Variants in NEDD4 observed in about 807,000 individuals in gnomAD.
NEDD4 encodes the protein NEDD4 E3 ubiquitin protein ligase, also known as E3 ubiquitin-protein ligase NEDD4.
A neutral mutation model predicts 144.9 loss-of-function variants in NEDD4; 99 were observed. That is an observed-to-expected ratio of 0.68 (90% confidence interval 0.58 to 0.81). The LOEUF (loss-of-function observed/expected upper bound fraction) is 0.81, where lower values mean the gene tolerates loss of function less well. Ranked by LOEUF, NEDD4 falls within the 30% of genes least tolerant of loss-of-function variation. NEDD4 has a pLI of 0.00. For synonymous variants in NEDD4, 318 were observed against 350.6 expected (o/e 0.91, Z 1.04); for missense variants, 985 against 1,065.9 (o/e 0.92, Z 1.06).
chr15:55,962,431 G>A (rs1341430739), intron 2 of NEDD4, among the ~76,000 whole-genome samples: 1 of 151,984 alleles, frequency 6.6e-6, no homozygotes, highest in African/African-American at 2.4e-5. Flanking sequence ...CATTGTCACT[G>A]CCCTTTACGT....
At chr15:55,842,253 C>T in intron 18 of NEDD4, 90 bp from the exon 19 acceptor site, 2 of 1,032,884 alleles carry the variant, frequency 1.9e-6, no homozygotes, top group South Asian at 1.5e-5. Context: ...TCCCTCTACA[C>T]CCTGTGTCCA....
Position 55,872,508 on chromosome 15 carries a change from T to C in NEDD4, c.343-32A>G, listed in dbSNP as rs1197763405. ...TAAAATAGTGGGTTTTCAAAATATATCTATAACACCAAAAGCATGTACTTT... is the reference window on the plus strand; with the variant it reads ...TAAAATAGTGGGTTTTCAAAATATACCTATAACACCAAAAGCATGTACTTT... On this transcript the variant is annotated intron_variant, in intron 6 of 28. Transcript: ENST00000435532. The C allele has an allele frequency of 7.1e-6, 7 of 980,670 alleles. No homozygotes were observed. The East Asian group carries it at 1.5e-4, about 21-fold the overall frequency. 60.7% of individuals were successfully genotyped at this position (980,670 alleles called of 1,614,324 possible).
intron 5 of NEDD4, among the ~76,000 whole-genome samples, chr15:55,882,195 C>T (rs1046604800): frequency 6.6e-6 from 1 of 152,152 alleles, no homozygotes; most frequent in African/African-American, 2.4e-5. Flanking sequence ...CAAAAAGCAC[C>T]TTCATAAGAA....
intron 5 of NEDD4, chr15:55,916,052 T>G: frequency 6.2e-7 from 1 of 1,613,988 alleles, no homozygotes; most frequent in Non-Finnish European, 8.5e-7. Flanking sequence ...AGTAACGTTT[T>G]AGTGGAATTT....
intron 5 of NEDD4, among the ~76,000 whole-genome samples, chr15:55,897,807 T>C (rs1249754056): frequency 2.6e-5 from 4 of 152,306 alleles, no homozygotes; most frequent in African/African-American, 9.6e-5. Context: ...TTGTGGCAAG[T>C]TGTCTTCCTT....
At chr15:55,865,272 G>A (rs754241259) in intron 8 of NEDD4, among the ~76,000 whole-genome samples, 4 of 150,206 alleles carry the variant, frequency 2.7e-5, no homozygotes, top group Non-Finnish European at 4.4e-5. Context: ...GGCAAAATAC[G>A]CAGATTACTT....
At chr15:55,832,786 A>C (rs2033016717) in intron 27 of NEDD4, among the ~76,000 whole-genome samples, 1 of 152,144 alleles carries the variant, frequency 6.6e-6, no homozygotes, top group South Asian at 2.1e-4. Flanking sequence ...AAAGTGACTC[A>C]AGTCATTTGA....
Position 55,862,997 on chromosome 15 carries a change from C to T in NEDD4, c.590G>A (p.Trp197Ter). 1 of 1,607,272 alleles carries T rather than the reference C, an allele frequency of 6.2e-7. No homozygotes were observed. The highest frequency in any genetic ancestry group is 8.5e-7 in the Non-Finnish European group (1 of 1,175,382). The change falls in exon 9 of 29, where the codon TGG becomes TAG. Residue 197 changes from tryptophan to a stop codon, truncating the protein, a stop_gained. Coordinates refer to ENST00000435532, the MANE Select transcript of NEDD4 (RefSeq NM_006154.4). LOFTEE classifies it high-confidence loss of function. ...TCCAAGGATATCCTGCCTCTCTTCC[C>T]ACCCTGGAGGTAGAGGAGAAGGTTC... ...QQEPSPLPPG[W>*]EERQDILGRT...
intron 12 of NEDD4, among the ~76,000 whole-genome samples, chr15:55,854,055 G>A (rs1287432201): frequency 1.3e-5 from 2 of 152,096 alleles, no homozygotes; most frequent in African/African-American, 4.8e-5. Flanking sequence ...GGAGGCTGAA[G>A]CAGGAGAATC....
chr15:55,883,692 CACAA>C (rs202007394), intron 5 of NEDD4, among the ~76,000 whole-genome samples: 105 of 53,206 alleles, frequency 2.0e-3, no homozygotes, highest in African/African-American at 6.3e-3. Flanking sequence ...CACACACACA[CACAA>C]ACACACACAC....
intron 5 of NEDD4, among the ~76,000 whole-genome samples, chr15:55,874,906 A>G (rs1316064439): frequency 3.3e-5 from 5 of 152,180 alleles, no homozygotes; most frequent in African/African-American, 9.6e-5. Flanking sequence ...TCCAGGAGGC[A>G]GACGTTGCAG....
chr15:55,846,397 C>A (rs542892825), intron 18 of NEDD4, among the ~76,000 whole-genome samples: 53 of 152,078 alleles, frequency 3.5e-4, no homozygotes, highest in Non-Finnish European at 6.8e-4. Context: ...AACAGATGGC[C>A]AGATGATGAG....
In NEDD4 at chr15:55,926,368, C is replaced by A. The variant is rs1182901670; in HGVS notation, c.238-1669G>T. ...TGCCCCTTGCATTTATCTTTCCTGT[C>A]TGAAATGTTGTTAGGATAGCTGGCA... On this transcript the variant is annotated intron_variant, in intron 4 of 28. Transcript: ENST00000435532. Among the ~76,000 whole-genome samples, 3 of 152,276 alleles carry A rather than the reference C, an allele frequency of 2.0e-5. No individual in the cohort carries two copies. In the East Asian group the frequency reaches 5.8e-4, roughly 29 times the overall value.
chr15:55,882,467 G>T (rs2035227964), intron 5 of NEDD4, among the ~76,000 whole-genome samples: 2 of 152,192 alleles, frequency 1.3e-5, no homozygotes, highest in African/African-American at 4.8e-5. Flanking sequence ...CATGAAGGTG[G>T]CATTTAGATC....
intron 13 of NEDD4, among the ~76,000 whole-genome samples, chr15:55,851,444 A>G (rs575008875): frequency 6.6e-6 from 1 of 152,114 alleles, no homozygotes; most frequent in Non-Finnish European, 1.5e-5. Context: ...AAAATTAGAA[A>G]CACAGGCATA....
chr15:55,865,191 C>G (rs1477495125), intron 8 of NEDD4, among the ~76,000 whole-genome samples: 2 of 103,886 alleles, frequency 1.9e-5, no homozygotes, highest in African/African-American at 7.4e-5. Context: ...GAGCAAGACT[C>G]TGTCTCAAAA....
intron 5 of NEDD4, among the ~76,000 whole-genome samples, chr15:55,908,463 C>T (rs577035838): frequency 6.6e-6 from 1 of 152,188 alleles, no homozygotes; most frequent in East Asian, 1.9e-4. Flanking sequence ...AATGGCATTG[C>T]AGGGACTCAA....
chr15:55,962,421 C>T (rs1250091778), intron 2 of NEDD4, among the ~76,000 whole-genome samples: 2 of 151,922 alleles, frequency 1.3e-5, no homozygotes, highest in Non-Finnish European at 2.9e-5. Context: ...GTTTGTTTTC[C>T]ATTGTCACTG....
intron 1 of NEDD4, among the ~76,000 whole-genome samples, chr15:55,985,404 C>T (rs2037873885): frequency 6.6e-6 from 1 of 152,118 alleles, no homozygotes; most frequent in Admixed American, 6.5e-5. Context: ...TGCCCACTGG[C>T]AAGGGTACTG....
Sources: allele counts gnomAD v4.1 joint callset (sites outside exome capture counted in the v4.1 genomes callset), GRCh38; gene constraint gnomAD v4.1.1; transcripts MANE v1.5; gene names NCBI Gene and HGNC (gene_info 2026-07-23, HGNC 2026-07-21).